The following AMER2 variants were observed in gnomAD, a reference collection of about 807,000 sequenced individuals.
AMER2 encodes APC membrane recruitment protein 2.
In AMER2, 1 loss-of-function variant was observed where a neutral mutation model predicts 4.7. The ratio of observed to expected loss-of-function variants is 0.21; its 90% CI spans 0.07 to 1.00. AMER2 has a LOEUF of 1.00. AMER2 is among the 50% of genes least tolerant of loss of function. The pLI is 0.60. For missense variants in AMER2, 988 were observed against 966.9 expected (o/e 1.02, Z -0.29); for synonymous variants, 485 against 433.3 (o/e 1.12, Z -1.48).
rs1485529832 is a variant in AMER2, at chr13:25,169,312, T to C, written c.*292A>G. The C allele has an allele frequency of 3.4e-6, 1 of 291,596 alleles. No individual in the cohort carries two copies. Among genetic ancestry groups the C allele is most frequent in the Non-Finnish European group, 6.3e-6 (1 of 158,060 alleles). The allele number at this position is 291,596 out of a possible 1,614,324, so 18.1% of individuals were successfully genotyped here. A position where few individuals can be genotyped will look rare whatever the true frequency, so the allele number is the denominator to read the frequency against. On this transcript the variant is annotated 3_prime_UTR_variant, in exon 1 of 1. Transcript: ENST00000515384. This position sits in a 1 kb window ranked among gnomAD's most constrained non-coding sequence, Gnocchi z 4.2. Reference sequence around the variant, plus strand: ...AAAGGTGACTTCCAAGTGTTCAGTATATTAAAGCAAAAGGAAGAAAAACTT... The same window carrying C: ...AAAGGTGACTTCCAAGTGTTCAGTACATTAAAGCAAAAGGAAGAAAAACTT...
Position 25,166,851 on chromosome 13 carries a change from G to A in AMER2, c.*2753C>T, listed in dbSNP as rs1956485278. 6.6e-6 allele frequency: 1 copy of A among 152,128 alleles called. No individual in the cohort carries two copies. Among genetic ancestry groups the A allele is most frequent in the Non-Finnish European group, 1.5e-5 (1 of 68,008 alleles). The allele number at this position is 152,128 out of a possible 1,614,324, so 9.4% of individuals were successfully genotyped here. ...CCCTTTTCTATGGTTGGAAAAAGTTGAGAATCTACTCTTCCTGCCACTCCA... is the reference window on the plus strand; with the variant it reads ...CCCTTTTCTATGGTTGGAAAAAGTTAAGAATCTACTCTTCCTGCCACTCCA... On this transcript the variant is annotated 3_prime_UTR_variant, in exon 1 of 1. Transcript: ENST00000515384.
rs751306578 is a variant in AMER2 at position 25,169,946 on chromosome 13, G to C, written c.1674C>G (p.Leu558=). 48 of 1,614,052 alleles carry C rather than the reference G, an allele frequency of 3.0e-5. No individual in the cohort carries two copies. The highest frequency in any genetic ancestry group is 4.0e-5 in the Non-Finnish European group (47 of 1,180,034). The stretch of plus-strand genomic sequence containing the variant: ...CTGGACTTCCGTCCGGGTCAGCATA[G>C]AGATCATAGAGCGCGTCCCCGCTGT... ...DSYSGDALYD[L]YADPDGSPAT... Residue 558 remains leucine, a synonymous_variant, in exon 1 of 1, where the codon CTC becomes CTG. Coordinates refer to ENST00000515384, the MANE Select transcript of AMER2 (RefSeq NM_152704.4). This position sits in a 1 kb window ranked among gnomAD's most constrained non-coding sequence, Gnocchi z 4.2.
chr13:25,170,736 G>C lies in AMER2; in HGVS notation c.884C>G (p.Ala295Gly). Residue 295 changes from alanine (A) to glycine (G), a missense_variant, in exon 1 of 1, where the codon GCC (alanine) becomes GGC (glycine). Physicochemically the swap from Ala to Gly is moderately conservative, Grantham distance 60. Transcript: ENST00000515384. This position sits in a 1 kb window ranked among gnomAD's most constrained non-coding sequence, Gnocchi z 7.3. ...EGLAHPGDTG[A>G]RGEDAAGHRR... is the part of the protein sequence containing the mutation. ...ATGCCCCGCGGCGTCCTCTCCCCGG[G>C]CGCCGGTGTCGCCGGGGTGCGCGAG... 7.0e-7 allele frequency: 1 copy of C among 1,420,422 alleles called. No individual in the cohort carries two copies. Among genetic ancestry groups the C allele is most frequent in the Non-Finnish European group, 9.1e-7 (1 of 1,096,440 alleles). The allele number at this position is 1,420,422 out of a possible 1,614,324, so 88.0% of individuals were successfully genotyped here. A position where few individuals can be genotyped will look rare whatever the true frequency, so the allele number is the denominator to read the frequency against.
At position 25,165,390 on chromosome 13, in the gene AMER2, C is replaced by G. The variant is rs1202675490; in HGVS notation, c.*4214G>C. 6 of 152,328 alleles carry G rather than the reference C, an allele frequency of 3.9e-5. No individual in the cohort carries two copies. Among genetic ancestry groups the G allele is most frequent in the Admixed American group, 3.9e-4 (6 of 15,294 alleles). The allele number at this position is 152,328 out of a possible 1,614,324, so 9.4% of individuals were successfully genotyped here. ...CTCGCTTCTGCCTGTGAACTACACC[C>G]TTGCCTTTTGCTTCCCCACACAGGC... On this transcript the variant is annotated 3_prime_UTR_variant, in exon 1 of 1. Coordinates refer to ENST00000515384, the MANE Select transcript of AMER2 (RefSeq NM_152704.4).
In AMER2 at chr13:25,166,970, A is replaced by C. The variant is rs1956487108; in HGVS notation, c.*2634T>G. ...TGCAATTCTTAAAAAATAAGGTAAA[A>C]AAAAAGTGGAAAATATAAATTTTAA... On this transcript the variant is annotated 3_prime_UTR_variant, in exon 1 of 1. Coordinates refer to ENST00000515384, the MANE Select transcript of AMER2 (RefSeq NM_152704.4). 6.6e-6 allele frequency: 1 copy of C among 152,156 alleles called. No homozygotes were observed. Among genetic ancestry groups the C allele is most frequent in the Non-Finnish European group, 1.5e-5 (1 of 68,018 alleles). 9.4% of individuals were successfully genotyped at this position (152,156 alleles called of 1,614,324 possible). A position where few individuals can be genotyped will look rare whatever the true frequency, so the allele number is the denominator to read the frequency against.
rs550711715 is a variant in AMER2 at position 25,170,659 on chromosome 13, T to C, written c.961A>G (p.Arg321Gly). The part of the protein sequence containing the change: ...GEVRTAEDAS[R>G]TGAVPVKTVP... ...GTCTTTACGGGAACGGCCCCCGTCC[T>C]GGAAGCGTCCTCTGCCGTGCGGACC... is the stretch of plus-strand genomic sequence containing the variant. The change falls in exon 1 of 1, where the codon AGG (arginine) becomes GGG (glycine). Residue 321 changes from arginine to glycine, a missense_variant. Arg to Gly is a moderately radical substitution (Grantham distance 125, BLOSUM62 -2). Coordinates refer to ENST00000515384, the MANE Select transcript of AMER2 (RefSeq NM_152704.4). The surrounding 1 kb of genome is among the most constrained non-coding windows in gnomAD (Gnocchi z 7.3). The C allele has an allele frequency of 4.0e-5, 62 of 1,550,284 alleles. No homozygotes were observed. The highest frequency in any genetic ancestry group is 7.9e-5 in the Admixed American group (4 of 50,948).
chr13:25,169,647 G>C lies in AMER2; in HGVS notation c.1973C>G (p.Thr658Ser). The C allele has an allele frequency of 6.2e-7, 1 of 1,610,224 alleles. No homozygotes were observed. Among genetic ancestry groups the C allele is most frequent in the Non-Finnish European group, 8.5e-7 (1 of 1,177,998 alleles). The change falls in exon 1 of 1, where the codon ACC (threonine) becomes AGC (serine). Residue 658 changes from threonine to serine, a missense_variant. Physicochemically the swap from Thr to Ser is moderately conservative, Grantham distance 58. Coordinates refer to ENST00000515384, the MANE Select transcript of AMER2 (RefSeq NM_152704.4). This position sits in a 1 kb window ranked among gnomAD's most constrained non-coding sequence, Gnocchi z 4.2. ...GTCGTGGCAGGCCGTTGCTCTGATG[G>C]TGGTCCCAGCCAAGCCCCGGTTGCT... The part of the protein sequence containing the change: ...RVSNRGLAGT[T>S]IRATACHDSA...
Position 25,170,750 on chromosome 13 carries a change from G to T in AMER2, c.870C>A (p.Pro290=). 1.4e-6 allele frequency: 2 copies of T among 1,400,276 alleles called. No individual in the cohort carries two copies. The highest frequency in any genetic ancestry group is 1.8e-6 in the Non-Finnish European group (2 of 1,087,132). 86.7% of individuals were successfully genotyped at this position (1,400,276 alleles called of 1,614,324 possible). The change falls in exon 1 of 1, where the codon CCC becomes CCA. Residue 290 remains proline, a synonymous_variant. Coordinates refer to ENST00000515384, the MANE Select transcript of AMER2 (RefSeq NM_152704.4). The surrounding 1 kb of genome is among the most constrained non-coding windows in gnomAD (Gnocchi z 7.3). Reference sequence around the variant, plus strand: ...CCTCTCCCCGGGCGCCGGTGTCGCCGGGGTGCGCGAGGCCCTCTGCCTCTC... The same window carrying T: ...CCTCTCCCCGGGCGCCGGTGTCGCCTGGGTGCGCGAGGCCCTCTGCCTCTC... ...SCREAEGLAH[P]GDTGARGEDA... is the part of the protein sequence containing the mutation.
chr13:25,161,704 A>C lies in AMER2; in HGVS notation c.*7900T>G, dbSNP rs1401431236. The C allele has an allele frequency of 6.6e-6, 1 of 152,248 alleles. No homozygotes were observed. Among genetic ancestry groups the C allele is most frequent in the Admixed American group, 6.5e-5 (1 of 15,282 alleles). 9.4% of individuals were successfully genotyped at this position (152,248 alleles called of 1,614,324 possible). ...TTCACTTTAAATGCAAAGGAGCAAC[A>C]AAATTTATTGACTGAATTAAACACA... is the stretch of plus-strand genomic sequence containing the variant. On this transcript the variant is annotated 3_prime_UTR_variant, in exon 1 of 1. Transcript: ENST00000515384.
In AMER2 at chr13:25,162,994, G is replaced by A. The variant is rs890405115; in HGVS notation, c.*6610C>T. 3 of 152,204 alleles carry A rather than the reference G, an allele frequency of 2.0e-5. No individual in the cohort carries two copies. Among genetic ancestry groups the A allele is most frequent in the Non-Finnish European group, 4.4e-5 (3 of 68,042 alleles). The allele number at this position is 152,204 out of a possible 1,614,324, so 9.4% of individuals were successfully genotyped here. On this transcript the variant is annotated 3_prime_UTR_variant, in exon 1 of 1. Coordinates refer to ENST00000515384, the MANE Select transcript of AMER2 (RefSeq NM_152704.4). ...GCTGACTTATTGATGGTGTTCAATA[G>A]CTATTAGTTGAATGAGTTAATGAAT...
chr13:25,170,488 G>C lies in AMER2; in HGVS notation c.1132C>G (p.Leu378Val), dbSNP rs201615060. The change falls in exon 1 of 1, where the codon CTT becomes GTT. Residue 378 changes from leucine to valine, a missense_variant. By Grantham distance (32) the Leu-to-Val change is conservative. Coordinates refer to ENST00000515384, the MANE Select transcript of AMER2 (RefSeq NM_152704.4). This position sits in a 1 kb window ranked among gnomAD's most constrained non-coding sequence, Gnocchi z 7.3. ...GCAATAATATCTCCACAGCCTGTAA[G>C]AGAGTCAAAGCTTTTCAGTGAAGTC... ...DVTSLKSFDS[L>V]TGCGDIIADQ... 4.0e-5 allele frequency: 65 copies of C among 1,614,078 alleles called. No homozygotes were observed. Among genetic ancestry groups the C allele is most frequent in the Non-Finnish European group, 4.9e-5 (58 of 1,180,024 alleles).
Position 25,164,124 on chromosome 13 carries a change from A to T in AMER2, c.*5480T>A, listed in dbSNP as rs1037119706. ...CATCTCAAAAAAAAAAAAAAAAAAA[A>T]TTAAAGAGGGTAGATCTCATATTCA... is the stretch of plus-strand genomic sequence containing the variant. On this transcript the variant is annotated 3_prime_UTR_variant, in exon 1 of 1. Coordinates refer to ENST00000515384, the MANE Select transcript of AMER2 (RefSeq NM_152704.4). The T allele has an allele frequency of 5.3e-5, 8 of 149,606 alleles. No individual in the cohort carries two copies. The highest frequency in any genetic ancestry group is 1.0e-4 in the Non-Finnish European group (7 of 67,784). The allele number at this position is 149,606 out of a possible 1,614,324, so 9.3% of individuals were successfully genotyped here.
rs1458508915 is a variant in AMER2, at chr13:25,170,676, G to A, written c.944C>T (p.Thr315Met). The A allele has an allele frequency of 1.9e-6, 3 of 1,539,636 alleles. No individual in the cohort carries two copies. Among genetic ancestry groups the A allele is most frequent in the Admixed American group, 4.0e-5 (2 of 49,742 alleles). The change falls in exon 1 of 1, where the codon ACG becomes ATG. Residue 315 changes from threonine (T) to methionine (M), a missense_variant. Coordinates refer to ENST00000515384, the MANE Select transcript of AMER2 (RefSeq NM_152704.4). This position sits in a 1 kb window ranked among gnomAD's most constrained non-coding sequence, Gnocchi z 7.3. The part of the protein sequence containing the change: ...RAEPGPGEVR[T>M]AEDASRTGAV... ...CCCCGTCCTGGAAGCGTCCTCTGCC[G>A]TGCGGACCTCCCCGGGCCCCGGCTC...
Position 25,171,181 on chromosome 13 carries a change from G to T in AMER2, c.439C>A (p.Pro147Thr). ...PNPGPPRAAG[P>T]GGGSLASSSV... Reference sequence around the variant, plus strand: ...CTGCTGGCGAGGGAGCCCCCGCCGGGCCCTGCGGCTCTGGGGGGCCCCGGG... The same window carrying T: ...CTGCTGGCGAGGGAGCCCCCGCCGGTCCCTGCGGCTCTGGGGGGCCCCGGG... The change falls in exon 1 of 1, where the codon CCC becomes ACC. Residue 147 changes from proline to threonine, a missense_variant. By Grantham distance (38) the Pro-to-Thr change is conservative. Transcript: ENST00000515384. This position sits in a 1 kb window ranked among gnomAD's most constrained non-coding sequence, Gnocchi z 5.9. 21 of 1,514,494 alleles carry T rather than the reference G, an allele frequency of 1.4e-5. No homozygotes were observed. The highest frequency in any genetic ancestry group is 1.9e-5 in the Non-Finnish European group (21 of 1,131,632). The allele number at this position is 1,514,494 out of a possible 1,614,324, so 93.8% of individuals were successfully genotyped here. A position where few individuals can be genotyped will look rare whatever the true frequency, so the allele number is the denominator to read the frequency against.
chr13:25,169,946 G>A lies in AMER2; in HGVS notation c.1674C>T (p.Leu558=). 3 of 1,614,170 alleles carry A rather than the reference G, an allele frequency of 1.9e-6. No homozygotes were observed. Among genetic ancestry groups the A allele is most frequent in the Non-Finnish European group, 2.5e-6 (3 of 1,180,026 alleles). The change falls in exon 1 of 1, where the codon CTC becomes CTT. Residue 558 remains leucine (L), a synonymous_variant. Transcript: ENST00000515384. The surrounding 1 kb of genome is among the most constrained non-coding windows in gnomAD (Gnocchi z 4.2). ...DSYSGDALYD[L]YADPDGSPAT... is the part of the protein sequence containing the mutation. ...CTGGACTTCCGTCCGGGTCAGCATA[G>A]AGATCATAGAGCGCGTCCCCGCTGT...
rs1956565420 is a variant in AMER2, at chr13:25,171,080, A to G, written c.540T>C (p.Pro180=). 3 of 1,572,634 alleles carry G rather than the reference A, an allele frequency of 1.9e-6. No homozygotes were observed. Among genetic ancestry groups the G allele is most frequent in the Non-Finnish European group, 2.6e-6 (3 of 1,160,920 alleles). The part of the protein sequence containing the change: ...NGRSENGKGE[P]VDASKAGGKQ... ...TGCCGCCGGCCTTGCTCGCGTCCAC[A>G]GGCTCTCCCTTGCCGTTTTCCGAGC... Residue 180 remains proline, a synonymous_variant, in exon 1 of 1, where the codon CCT becomes CCC. Coordinates refer to ENST00000515384, the MANE Select transcript of AMER2 (RefSeq NM_152704.4). This position sits in a 1 kb window ranked among gnomAD's most constrained non-coding sequence, Gnocchi z 5.9.
chr13:25,171,244 C>A lies in AMER2; in HGVS notation c.376G>T (p.Gly126Trp), dbSNP rs756388659. The change falls in exon 1 of 1, where the codon GGG becomes TGG. Residue 126 changes from glycine to tryptophan, a missense_variant. Transcript: ENST00000515384. The surrounding 1 kb of genome is among the most constrained non-coding windows in gnomAD (Gnocchi z 5.9). Reference sequence around the variant, plus strand: ...CCGCCGCCCCCGCCGCTGTCGCCCCCGCCGCGCGGCTCCTCCTTCCTGCCG... The same window carrying A: ...CCGCCGCCCCCGCCGCTGTCGCCCCAGCCGCGCGGCTCCTCCTTCCTGCCG... ...ESGRKEEPRG[G>W]GDSGGGGGGR... The A allele has an allele frequency of 6.4e-6, 9 of 1,414,568 alleles. No individual in the cohort carries two copies. The South Asian group carries it at 1.0e-4, about 16-fold the overall frequency. 87.6% of individuals were successfully genotyped at this position (1,414,568 alleles called of 1,614,324 possible). A position where few individuals can be genotyped will look rare whatever the true frequency, so the allele number is the denominator to read the frequency against.
chr13:25,170,987 C>G lies in AMER2; in HGVS notation c.633G>C (p.Lys211Asn). ...GCGCGCGCCCCTCCGCGGCCTCCGC[C>G]TTGGCCCGCTTGTCTTTCCTGTGCC... ...MRWHRKDKRA[K>N]AEAAEGRAPG... The change falls in exon 1 of 1, where the codon AAG becomes AAC. Residue 211 changes from lysine (K) to asparagine (N), a missense_variant. Physicochemically the swap from Lys to Asn is moderately conservative, Grantham distance 94 (BLOSUM62 0). Coordinates refer to ENST00000515384, the MANE Select transcript of AMER2 (RefSeq NM_152704.4). The surrounding 1 kb of genome is among the most constrained non-coding windows in gnomAD (Gnocchi z 7.3). The G allele has an allele frequency of 1.3e-6, 2 of 1,562,684 alleles. No individual in the cohort carries two copies. Among genetic ancestry groups the G allele is most frequent in the Non-Finnish European group, 1.7e-6 (2 of 1,156,316 alleles).
chr13:25,170,772 T>A lies in AMER2; in HGVS notation c.848A>T (p.Glu283Val), dbSNP rs753795929. The A allele has an allele frequency of 7.3e-7, 1 of 1,367,818 alleles. No homozygotes were observed. The highest frequency in any genetic ancestry group is 9.4e-7 in the Non-Finnish European group (1 of 1,069,378). 84.7% of individuals were successfully genotyped at this position (1,367,818 alleles called of 1,614,324 possible). A position where few individuals can be genotyped will look rare whatever the true frequency, so the allele number is the denominator to read the frequency against. ...ADRAPARSCR[E>V]AEGLAHPGDT... ...GCCGGGGTGCGCGAGGCCCTCTGCCTCTCGGCAGCTCCGCGCTGGGGCGCG... is the reference window on the plus strand; with the variant it reads ...GCCGGGGTGCGCGAGGCCCTCTGCCACTCGGCAGCTCCGCGCTGGGGCGCG... Residue 283 changes from glutamate to valine, a missense_variant, in exon 1 of 1, where the codon GAG becomes GTG. Coordinates refer to ENST00000515384, the MANE Select transcript of AMER2 (RefSeq NM_152704.4). The surrounding 1 kb of genome is among the most constrained non-coding windows in gnomAD (Gnocchi z 7.3).
Sources: gnomAD v4.1 joint callset for allele counts on GRCh38, gnomAD v4.1.1 for gene constraint, Gnocchi (gnomAD v3.1) non-coding constraint, MANE v1.5 for transcripts, NCBI Gene and HGNC (gene_info 2026-07-23, HGNC 2026-07-21) for gene names.